The following CDC25A variants were observed in gnomAD, a reference collection of about 807,000 sequenced individuals.
CDC25A encodes cell division cycle 25A.
Under a neutral mutation model 64.6 loss-of-function variants are expected in CDC25A, and 17 were observed. That is an observed-to-expected ratio of 0.26 (90% CI 0.18 to 0.39). The LOEUF (loss-of-function observed/expected upper bound fraction) is 0.39, where lower values mean the gene tolerates loss of function less well. Among genes scored for constraint, CDC25A ranks in the 10% least tolerant of loss-of-function variants. The pLI is 1.00. For synonymous variants in CDC25A, 229 were observed against 238.6 expected (o/e 0.96, Z 0.37); for missense variants, 473 against 654.8 (o/e 0.72, Z 3.03).
At chr3:48,178,009 A>T in intron 6 of CDC25A, 21 bp from the exon 7 acceptor site, 1 of 1,594,762 alleles carries the variant, frequency 6.3e-7, no homozygotes, top group Non-Finnish European at 8.5e-7. Flanking sequence ...AAATTCATGG[A>T]TTAATAATGA....
At chr3:48,164,158 G>A (rs1183119209) in intron 13 of CDC25A, 149 bp downstream of exon 13, 1 of 674,040 alleles carries the variant, frequency 1.5e-6, no homozygotes, top group Non-Finnish European at 2.4e-6. Context: ...GTTCACCTCA[G>A]GATAAAATTA....
chr3:48,178,025 C>G (rs367727718), intron 6 of CDC25A, 37 bp from the exon 7 acceptor site: 2 of 1,570,376 alleles, frequency 1.3e-6, no homozygotes, highest in East Asian at 4.5e-5. Context: ...AATGAGAGCT[C>G]TGATCCACTT....
chr3:48,176,070 A>G (rs1224184750), intron 8 of CDC25A, among the ~76,000 whole-genome samples: 1 of 152,220 alleles, frequency 6.6e-6, no homozygotes, highest in Admixed American at 6.5e-5. Flanking sequence ...CAGAAGGCTG[A>G]GCCAGAAGAA....
intron 10 of CDC25A, among the ~76,000 whole-genome samples, chr3:48,167,174 T>C (rs1387431467): frequency 6.6e-6 from 1 of 152,198 alleles, no homozygotes; most frequent in African/African-American, 2.4e-5. Context: ...ACATGCTAAA[T>C]TCTTTGAGGG....
rs2031604655 is a variant in CDC25A, at chr3:48,158,254, T to A, written c.*691A>T. On this transcript the variant is annotated 3_prime_UTR_variant, in exon 15 of 15. Coordinates refer to ENST00000302506, the MANE Select transcript of CDC25A (RefSeq NM_001789.3). ...AACGCTCTCACCAGGACCTCAGTTC[T>A]TGGCTTAAATAGCAGCAGCCCCAGT... 6.6e-6 allele frequency: 1 copy of A among 152,604 alleles called. No homozygotes were observed. The highest frequency in any genetic ancestry group is 1.9e-4 in the East Asian group (1 of 5,188). The allele number at this position is 152,604 out of a possible 1,614,324, so 9.5% of individuals were successfully genotyped here. A position where few individuals can be genotyped will look rare whatever the true frequency, so the allele number is the denominator to read the frequency against.
At chr3:48,187,457 C>A (rs1277812855) in intron 1 of CDC25A, among the ~76,000 whole-genome samples, 2 of 152,246 alleles carry the variant, frequency 1.3e-5, no homozygotes, top group African/African-American at 4.8e-5. Flanking sequence ...TGATTTTCCC[C>A]GCGGGGGTAG....
chr3:48,185,888 T>C (rs1156605462), intron 2 of CDC25A, among the ~76,000 whole-genome samples: 1 of 152,232 alleles, frequency 6.6e-6, no homozygotes, highest in African/African-American at 2.4e-5. Flanking sequence ...CCCAGTTCTA[T>C]ATTAAATTAC....
rs2031554235 is a variant in CDC25A, at chr3:48,157,239, T to C, written c.*1706A>G. On this transcript the variant is annotated 3_prime_UTR_variant, in exon 15 of 15. Transcript: ENST00000302506. The stretch of plus-strand genomic sequence containing the variant: ...AGTTGGTTAGTAATGCTAGCTAAGC[T>C]GGTATAATCTGAAGGCCATCCCACC... 6.6e-6 allele frequency: 1 copy of C among 152,242 alleles called. No homozygotes were observed. The highest frequency in any genetic ancestry group is 2.1e-4 in the South Asian group (1 of 4,836). 9.4% of individuals were successfully genotyped at this position (152,242 alleles called of 1,614,324 possible). A position where few individuals can be genotyped will look rare whatever the true frequency, so the allele number is the denominator to read the frequency against.
intron 13 of CDC25A, among the ~76,000 whole-genome samples, chr3:48,162,073 A>C (rs1051638085): frequency 5.3e-5 from 8 of 151,806 alleles, no homozygotes; most frequent in African/African-American, 1.9e-4. Flanking sequence ...ACAAACAAAC[A>C]AAAAAACTGC....
rs1199606162 is a variant in CDC25A, at chr3:48,183,676, G to C, written c.327+124C>G. On this transcript the variant is annotated intron_variant, in intron 4 of 14. Coordinates refer to ENST00000302506, the MANE Select transcript of CDC25A (RefSeq NM_001789.3). ...AGCCTGGGTGACAGAGCAAGACCTT[G>C]TCTCAAAAGAGACTAAAGAAAAGCA... 2.0e-5 allele frequency: 13 copies of C among 658,464 alleles called. No individual in the cohort carries two copies. In the Admixed American group the frequency reaches 3.0e-4, roughly 15 times the overall value. The allele number at this position is 658,464 out of a possible 1,614,324, so 40.8% of individuals were successfully genotyped here. A position where few individuals can be genotyped will look rare whatever the true frequency, so the allele number is the denominator to read the frequency against.
At position 48,180,809 on chromosome 3, in the gene CDC25A, G is replaced by C. The variant is rs1367549377; in HGVS notation, c.461C>G (p.Pro154Arg). 3 of 1,613,928 alleles carry C rather than the reference G, an allele frequency of 1.9e-6. No homozygotes were observed. In the African/African-American group the frequency reaches 4.0e-5, roughly 22 times the overall value. Reference sequence around the variant, plus strand: ...AGAGTGCAGGCAGCCACGAGATACAGGTCTTACTGGCTTCTTAAACTCAAA... The same window carrying C: ...AGAGTGCAGGCAGCCACGAGATACACGTCTTACTGGCTTCTTAAACTCAAA... ...EAFEFKKPVR[P>R]VSRGCLHSHG... Residue 154 changes from proline to arginine, a missense_variant, in exon 6 of 15, where the codon CCT becomes CGT. Physicochemically the swap from Pro to Arg is moderately radical, Grantham distance 103. This residue lies in a region of CDC25A where 376 missense variants were observed against 431.9 expected (regional missense o/e 0.87). Transcript: ENST00000302506.
In CDC25A at chr3:48,188,018, G is replaced by T; in HGVS notation, c.-71C>A. 1 of 1,246,322 alleles carries T rather than the reference G, an allele frequency of 8.0e-7. No homozygotes were observed. Among genetic ancestry groups the T allele is most frequent in the Non-Finnish European group, 1.0e-6 (1 of 980,144 alleles). The allele number at this position is 1,246,322 out of a possible 1,614,324, so 77.2% of individuals were successfully genotyped here. On this transcript the variant is annotated 5_prime_UTR_variant, in exon 1 of 15. Coordinates refer to ENST00000302506, the MANE Select transcript of CDC25A (RefSeq NM_001789.3). Reference sequence around the variant, plus strand: ...TCCGCCGCGACCGCCCCGCCCCGCCGACACCGGCCTCGGCCGCGCGCCACC... The same window carrying T: ...TCCGCCGCGACCGCCCCGCCCCGCCTACACCGGCCTCGGCCGCGCGCCACC...
chr3:48,164,933 C>A (rs1575260510), intron 12 of CDC25A, among the ~76,000 whole-genome samples: 1 of 150,228 alleles, frequency 6.7e-6, no homozygotes, highest in African/African-American at 2.5e-5. Flanking sequence ...CATGGTGAAA[C>A]CCCGTCTCTA....
chr3:48,171,301 G>C (rs968825081), intron 9 of CDC25A, among the ~76,000 whole-genome samples: 11 of 152,090 alleles, frequency 7.2e-5, no homozygotes, highest in Non-Finnish European at 1.6e-4. Flanking sequence ...TTGAACTGGG[G>C]AGGCGGAGGT....
chr3:48,187,749 C>T (rs1575276201), intron 1 of CDC25A, 29 bp downstream of exon 1: 1 of 1,525,998 alleles, frequency 6.6e-7, no homozygotes, highest in South Asian at 1.2e-5. Flanking sequence ...GCCAGGGGCC[C>T]GGAGCACCGC....
chr3:48,176,904 G>C (rs1575268864), intron 8 of CDC25A, among the ~76,000 whole-genome samples: 1 of 151,692 alleles, frequency 6.6e-6, no homozygotes, highest in Admixed American at 6.6e-5. Flanking sequence ...CTGGGAGGCA[G>C]AGGTTGCAGT....
chr3:48,162,524 C>G (rs2106688991), intron 13 of CDC25A, among the ~76,000 whole-genome samples: 1 of 152,122 alleles, frequency 6.6e-6, no homozygotes, highest in South Asian at 2.1e-4. Flanking sequence ...GCCACTGTGC[C>G]CAGCCATAAC....
chr3:48,186,112 G>A (rs905365135), intron 2 of CDC25A, among the ~76,000 whole-genome samples: 1 of 152,292 alleles, frequency 6.6e-6, no homozygotes, highest in South Asian at 2.1e-4. Context: ...ATTTGATCCT[G>A]TATTTTAACC....
At chr3:48,165,554 GC>G (rs2031980488) in intron 12 of CDC25A, 81 bp downstream of exon 12, 2 of 886,200 alleles carry the variant, frequency 2.3e-6, no homozygotes, top group South Asian at 2.9e-5. Flanking sequence ...GAGCTAAGTG[GC>G]CAGGTGTCAC....
Sources: gnomAD v4.1 joint callset for allele counts (sites outside exome capture counted in the v4.1 genomes callset) on GRCh38, gnomAD v4.1.1 for gene constraint, gnomAD v4.1.1 regional missense constraint, MANE v1.5 for transcripts, NCBI Gene and HGNC (gene_info 2026-07-23, HGNC 2026-07-21) for gene names.